Variants in SULT6B1 observed in about 807,000 individuals in gnomAD.
SULT6B1 encodes the protein sulfotransferase 6B1.
A neutral mutation model predicts 37.2 loss-of-function variants in SULT6B1; 44 were observed. The observed-to-expected ratio is 1.18, with a 90% confidence interval of 0.93 to 1.52. SULT6B1 has a LOEUF of 1.52. SULT6B1 is among the 40% of genes most tolerant of loss of function. SULT6B1 has a pLI of 0.00. For synonymous variants in SULT6B1, 140 were observed against 126.0 expected (o/e 1.11, Z -0.74); for missense variants, 450 against 361.0 (o/e 1.25, Z -2.00).
At chr2:37,187,215 G>A (rs1666283155) in intron 2 of SULT6B1, 140 bp downstream of exon 2, 7 of 593,888 alleles carry the variant, frequency 1.2e-5, no homozygotes, top group Non-Finnish European at 1.8e-5. Flanking sequence ...CCTGAACAGT[G>A]CTGAGGATAT....
intron 6 of SULT6B1, 33 bp from the exon 7 acceptor site, chr2:37,168,098 T>C (rs756756468): frequency 2.6e-6 from 4 of 1,536,050 alleles, no homozygotes; most frequent in Non-Finnish European, 8.7e-7. Flanking sequence ...GACCCAGATA[T>C]CTGTTAGAAT....
chr2:37,194,388 G>A, intron 1 of SULT6B1: 1 of 385,830 alleles, frequency 2.6e-6, no homozygotes, highest in Non-Finnish European at 5.0e-6. Context: ...CTGACTATCT[G>A]TAGATTTTTG....
upstream of SULT6B1, among the ~76,000 whole-genome samples, chr2:37,190,120 T>C (rs558765365): frequency 4.6e-5 from 7 of 152,240 alleles, no homozygotes; most frequent in African/African-American, 7.2e-5. Flanking sequence ...ACAATTACAA[T>C]TGCAATTACT....
rs777473342 is a variant in SULT6B1 at position 37,188,432 on chromosome 2, T to C, written c.199+10A>G. 3 of 1,609,770 alleles carry C rather than the reference T, an allele frequency of 1.9e-6. No homozygotes were observed. The highest frequency in any genetic ancestry group is 2.2e-5 in the South Asian group (2 of 90,758). ...AGAAGTGTACTTGTAGGAAACGACT[T>C]GTCATTTACCGCACTTTGGATAAGA... On this transcript the variant is annotated intron_variant, in intron 1 of 6. Transcript: ENST00000535679.
At chr2:37,170,748 A>AC (rs1676277344) in intron 6 of SULT6B1, among the ~76,000 whole-genome samples, 2 of 151,232 alleles carry the variant, frequency 1.3e-5, no homozygotes, top group African/African-American at 4.9e-5. Context: ...AAAAAAAAAA[A>AC]AAAAAAAAAA....
chr2:37,185,933 T>C (rs1325728157), intron 2 of SULT6B1, among the ~76,000 whole-genome samples: 1 of 152,166 alleles, frequency 6.6e-6, no homozygotes, highest in Non-Finnish European at 1.5e-5. Context: ...CTGTCTCAGC[T>C]GAGCCTTCAT....
chr2:37,167,897 T>C lies in SULT6B1; in HGVS notation c.*38A>G. On this transcript the variant is annotated 3_prime_UTR_variant, in exon 7 of 7. Transcript: ENST00000535679. ...TTAATTATTTACACTTAATTATTAT[T>C]AAGGAAAATAAATCTAGGCCTGCTG... The C allele has an allele frequency of 6.6e-7, 1 of 1,510,668 alleles. No individual in the cohort carries two copies. Among genetic ancestry groups the C allele is most frequent in the Non-Finnish European group, 8.8e-7 (1 of 1,136,288 alleles). 93.6% of individuals were successfully genotyped at this position (1,510,668 alleles called of 1,614,324 possible).
rs776253680 is a variant in SULT6B1 at position 37,187,384 on chromosome 2, G to C, written c.283C>G (p.Leu95Val). 17 of 1,604,758 alleles carry C rather than the reference G, an allele frequency of 1.1e-5. No homozygotes were observed. The highest frequency in any genetic ancestry group is 1.4e-5 in the Non-Finnish European group (16 of 1,173,122). Residue 95 changes from leucine (L) to valine (V), a missense_variant, in exon 2 of 7, where the codon CTT becomes GTT. Transcript: ENST00000535679. ...TATTTTTCTGAATCCCCACATTCAAGAACTGGGAATTCTGGATATTTATAC... is the reference window on the plus strand; with the variant it reads ...TATTTTTCTGAATCCCCACATTCAACAACTGGGAATTCTGGATATTTATAC... ...KKYKYPEFPV[L>V]ECGDSEKYQR... is the part of the protein sequence containing the mutation.
intron 4 of SULT6B1, among the ~76,000 whole-genome samples, chr2:37,178,854 G>A (rs551436192): frequency 5.9e-5 from 9 of 152,308 alleles, no homozygotes; most frequent in Non-Finnish European, 1.0e-4. Context: ...CACTAGAAAT[G>A]GTTTTCTACA....
chr2:37,194,467 T>C, intron 1 of SULT6B1: 1 of 423,594 alleles, frequency 2.4e-6, no homozygotes. Flanking sequence ...CCTCATTACA[T>C]CCTCTGGACA....
chr2:37,180,382 A>G (rs1676525124), intron 3 of SULT6B1, among the ~76,000 whole-genome samples: 1 of 152,212 alleles, frequency 6.6e-6, no homozygotes, highest in South Asian at 2.1e-4. Flanking sequence ...CATTTGGGAG[A>G]AGTCTAGAAT....
chr2:37,179,418 TC>T, intron 4 of SULT6B1, 39 bp downstream of exon 4: 1 of 1,609,454 alleles, frequency 6.2e-7, no homozygotes, highest in East Asian at 2.2e-5. Context: ...TATGTGGTCA[TC>T]TGATCAAGTA....
chr2:37,183,905 A>G (rs935524465), intron 2 of SULT6B1, among the ~76,000 whole-genome samples: 1 of 152,038 alleles, frequency 6.6e-6, no homozygotes, highest in Non-Finnish European at 1.5e-5. Context: ...CAGCCTCCCA[A>G]AGTGCTGCGA....
At position 37,183,437 on chromosome 2, in the gene SULT6B1, C is replaced by T. The variant is rs760222223; in HGVS notation, c.390G>A (p.Glu130=). 1.9e-6 allele frequency: 3 copies of T among 1,613,792 alleles called. No individual in the cohort carries two copies. Among genetic ancestry groups the T allele is most frequent in the African/African-American group, 1.3e-5 (1 of 75,030 alleles). Residue 130 remains glutamate (E), a synonymous_variant, in exon 3 of 7, where the codon GAG becomes GAA. Coordinates refer to ENST00000535679, the MANE Select transcript of SULT6B1 (RefSeq NM_001367551.1). Reference sequence around the variant, plus strand: ...AAAGGACACTCACCTTGGCTTTATTCTCGAAGATAGACCCAGGTAATTTGT... The same window carrying T: ...AAAGGACACTCACCTTGGCTTTATTTTCGAAGATAGACCCAGGTAATTTGT... ...HYDKLPGSIF[E]NKAKILVIFR... is the part of the protein sequence containing the mutation.
chr2:37,169,761 G>T (rs1349935125), intron 6 of SULT6B1, among the ~76,000 whole-genome samples: 1 of 152,144 alleles, frequency 6.6e-6, no homozygotes, highest in Non-Finnish European at 1.5e-5. Context: ...CCAAAGTGCT[G>T]GGATTACAGG....
chr2:37,192,909 C>T (rs981723899), upstream of SULT6B1, among the ~76,000 whole-genome samples: 3 of 152,190 alleles, frequency 2.0e-5, no homozygotes. Flanking sequence ...ACATACTCAA[C>T]TCTGAGTTGT....
rs751340174 is a variant in SULT6B1, at chr2:37,167,981, G to A, written c.866C>T (p.Thr289Ile). The A allele has an allele frequency of 4.4e-6, 7 of 1,599,890 alleles. No homozygotes were observed. The highest frequency in any genetic ancestry group is 2.3e-5 in the East Asian group (1 of 43,512). The change falls in exon 7 of 7, where the codon ACC becomes ATC. Residue 289 changes from threonine (T) to isoleucine (I), a missense_variant. Physicochemically the swap from Thr to Ile is moderately conservative, Grantham distance 89. Transcript: ENST00000535679. The part of the protein sequence containing the change: ...DEKFKECLAG[T>I]SLGAKLKYES... ...ATACTTCAACTTTGCTCCGAGGGAG[G>A]TGCCTGCTAAGCACTCTTTGAATTT... is the stretch of plus-strand genomic sequence containing the variant.
chr2:37,179,021 C>T (rs974138040), intron 4 of SULT6B1, among the ~76,000 whole-genome samples: 1 of 152,136 alleles, frequency 6.6e-6, no homozygotes, highest in African/African-American at 2.4e-5. Flanking sequence ...TGCAGTGGCG[C>T]CATCTCAGCT....
At chr2:37,173,453 C>T (rs1225648180) in intron 5 of SULT6B1, among the ~76,000 whole-genome samples, 2 of 152,164 alleles carry the variant, frequency 1.3e-5, no homozygotes, top group Admixed American at 6.5e-5. Flanking sequence ...ATTTTATCTA[C>T]GGCCCAGAAC....
Sources: gnomAD v4.1 joint callset for allele counts (sites outside exome capture counted in the v4.1 genomes callset) on GRCh38, gnomAD v4.1.1 for gene constraint, MANE v1.5 for transcripts, NCBI Gene and HGNC (gene_info 2026-07-23, HGNC 2026-07-21) for gene names.